Variants in TMOD1 observed in about 807,000 individuals in gnomAD.
TMOD1 encodes the protein tropomodulin-1.
Under a neutral mutation model 40.6 loss-of-function variants are expected in TMOD1, and 17 were observed. The observed-to-expected ratio is 0.42, with a 90% confidence interval of 0.29 to 0.63. The LOEUF (loss-of-function observed/expected upper bound fraction) is 0.63, where lower values mean the gene tolerates loss of function less well. Among genes scored for constraint, TMOD1 ranks in the 20% least tolerant of loss-of-function variants. The probability of loss-of-function intolerance (pLI) is 0.22; values close to 1 mark genes in which losing one functional copy is unlikely to be tolerated. For synonymous variants in TMOD1, 181 were observed against 175.0 expected (o/e 1.03, Z -0.27); for missense variants, 391 against 447.6 (o/e 0.87, Z 1.14).
chr9:97,585,672 G>A (rs11521522), intron 8 of TMOD1, among the ~76,000 whole-genome samples: 20,864 of 82,760 alleles, frequency 0.25, 3,605 homozygotes, highest in Middle Eastern at 0.41. Context: ...CTTTTCACAT[G>A]GTCCCATATT....
intron 1 of TMOD1, chr9:97,516,727 A>G (rs7862883): frequency 0.16 from 24,001 of 152,178 alleles, 2,130 homozygotes; most frequent in East Asian, 0.29. Context: ...GATTCCAGTC[A>G]CAAAGAGACA....
chr9:97,538,735 G>T (rs1222453483), intron 2 of TMOD1, among the ~76,000 whole-genome samples: 1 of 152,032 alleles, frequency 6.6e-6, no homozygotes, highest in African/African-American at 2.4e-5. Context: ...GGTGGCTCAT[G>T]CCTGTAATCC....
chr9:97,538,276 C>T (rs908188676), intron 2 of TMOD1, among the ~76,000 whole-genome samples: 6 of 152,166 alleles, frequency 3.9e-5, no homozygotes, highest in African/African-American at 1.2e-4. Flanking sequence ...TAGTCACTGA[C>T]CTCCTCAGAT....
intron 2 of TMOD1, among the ~76,000 whole-genome samples, chr9:97,542,063 T>A (rs1261892416): frequency 6.6e-6 from 1 of 152,244 alleles, no homozygotes; most frequent in African/African-American, 2.4e-5. Flanking sequence ...TAATCCAGAA[T>A]CAGAAGGATT....
At chr9:97,589,415 G>A (rs1184844368) in intron 8 of TMOD1, among the ~76,000 whole-genome samples, 1 of 150,070 alleles carries the variant, frequency 6.7e-6, no homozygotes, top group Non-Finnish European at 1.5e-5. Context: ...GGGACTACAG[G>A]TGTGCGCCAC....
At position 97,553,376 on chromosome 9, in the gene TMOD1, G is replaced by A. The variant is rs781411834; in HGVS notation, c.373G>A (p.Asp125Asn). The A allele has an allele frequency of 1.9e-6, 3 of 1,614,240 alleles. No homozygotes were observed. Among genetic ancestry groups the A allele is most frequent in the Admixed American group, 1.7e-5 (1 of 60,030 alleles). Residue 125 changes from aspartate (D) to asparagine (N), a missense_variant, in exon 4 of 10, where the codon GAT (aspartate) becomes AAT (asparagine). Transcript: ENST00000259365. ...GGAGGAAGCCTTGGCAAATGCTTCAGATGCAGAACTCTGTGACATTGCAGG... is the reference window on the plus strand; with the variant it reads ...GGAGGAAGCCTTGGCAAATGCTTCAAATGCAGAACTCTGTGACATTGCAGG... ...ELEEALANAS[D>N]AELCDIAAIL...
At position 97,600,553 on chromosome 9, in the gene TMOD1, T is replaced by C; in HGVS notation, c.*855T>C. On this transcript the variant is annotated 3_prime_UTR_variant, in exon 10 of 10. Coordinates refer to ENST00000259365, the MANE Select transcript of TMOD1 (RefSeq NM_003275.4). ...TATTGCACAGTGGGCAAATGGCTTA[T>C]GTGAGGTAAGACACTAGAGGGATAA... 1 of 985,932 alleles carries C rather than the reference T, an allele frequency of 1.0e-6. No homozygotes were observed. Among genetic ancestry groups the C allele is most frequent in the Non-Finnish European group, 1.2e-6 (1 of 830,308 alleles). The allele number at this position is 985,932 out of a possible 1,614,324, so 61.1% of individuals were successfully genotyped here. A position where few individuals can be genotyped will look rare whatever the true frequency, so the allele number is the denominator to read the frequency against.
At position 97,557,967 on chromosome 9, in the gene TMOD1, C is replaced by T. The variant is rs1830560432; in HGVS notation, c.397+4567C>T. ...AGGCAATGTTGATGTGCCGTTTTCT[C>T]CCGTCACTCACTTCTGTTGACGTGG... On this transcript the variant is annotated intron_variant, in intron 4 of 9. Transcript: ENST00000259365. This position sits in a 1 kb window ranked among gnomAD's most constrained non-coding sequence, Gnocchi z 4.4. Among the ~76,000 whole-genome samples, 1 of 151,998 alleles carries T rather than the reference C, an allele frequency of 6.6e-6. No individual in the cohort carries two copies. The highest frequency in any genetic ancestry group is 2.4e-5 in the African/African-American group (1 of 41,400).
intron 2 of TMOD1, among the ~76,000 whole-genome samples, chr9:97,531,051 C>A (rs1438423787): frequency 7.2e-6 from 1 of 138,730 alleles, no homozygotes; most frequent in African/African-American, 2.6e-5. Flanking sequence ...CCCCCACCAC[C>A]CCTTGGCCTC....
intron 7 of TMOD1, among the ~76,000 whole-genome samples, chr9:97,567,925 A>G (rs1830757067): frequency 6.6e-6 from 1 of 152,172 alleles, no homozygotes; most frequent in South Asian, 2.1e-4. Context: ...ATGTCCTATC[A>G]GCTGCTGGTG....
At chr9:97,590,040 A>G (rs1017646408) in intron 8 of TMOD1, among the ~76,000 whole-genome samples, 2 of 151,864 alleles carry the variant, frequency 1.3e-5, no homozygotes, top group African/African-American at 2.4e-5. Flanking sequence ...CAAATCGTCT[A>G]TTTTGTGACC....
At chr9:97,531,938 G>A (rs1830108753) in intron 2 of TMOD1, among the ~76,000 whole-genome samples, 2 of 152,116 alleles carry the variant, frequency 1.3e-5, no homozygotes, top group South Asian at 2.1e-4. Context: ...GCAAGTCAGC[G>A]GCCGAGCCAA....
intron 4 of TMOD1, among the ~76,000 whole-genome samples, chr9:97,556,348 T>C (rs373854896): frequency 5.1e-4 from 78 of 152,274 alleles, no homozygotes; most frequent in African/African-American, 1.7e-3. Flanking sequence ...CCGCATGAGA[T>C]GAAGGCTGGA....
At chr9:97,537,201 G>A (rs745989947) in intron 2 of TMOD1, among the ~76,000 whole-genome samples, 12 of 152,160 alleles carry the variant, frequency 7.9e-5, no homozygotes, top group Admixed American at 5.2e-4. Context: ...TTATATTTCC[G>A]AGCTGCCAGG....
intron 9 of TMOD1, among the ~76,000 whole-genome samples, chr9:97,597,402 A>C (rs933455370): frequency 6.6e-6 from 1 of 152,172 alleles, no homozygotes; most frequent in African/African-American, 2.4e-5. Context: ...GTCCCTGAAA[A>C]AGCCAGTGCC....
intron 1 of TMOD1, among the ~76,000 whole-genome samples, chr9:97,510,286 A>G (rs1299330153): frequency 6.6e-6 from 1 of 152,006 alleles, no homozygotes; most frequent in Non-Finnish European, 1.5e-5. Context: ...GCAAGAGTAC[A>G]GTGACACAGT....
At chr9:97,504,377 T>A (rs1160199832) in intron 1 of TMOD1, among the ~76,000 whole-genome samples, 1 of 151,770 alleles carries the variant, frequency 6.6e-6, no homozygotes, top group Non-Finnish European at 1.5e-5. Context: ...TTCTAAAAGC[T>A]TGGATGAGAA....
intron 7 of TMOD1, 85 bp downstream of exon 7, chr9:97,566,040 T>G (rs2131267839): frequency 8.4e-7 from 1 of 1,191,640 alleles, no homozygotes; most frequent in East Asian, 2.4e-5. Context: ...ACTGGTTGTA[T>G]CCCACTAACA....
intron 4 of TMOD1, among the ~76,000 whole-genome samples, chr9:97,558,482 T>C (rs550511890): frequency 4.6e-5 from 7 of 152,240 alleles, no homozygotes; most frequent in African/African-American, 1.4e-4. Context: ...CTCACTCTGT[T>C]GCCCAGGCTG....
Sources: gnomAD v4.1 joint callset for allele counts (sites outside exome capture counted in the v4.1 genomes callset) on GRCh38, gnomAD v4.1.1 for gene constraint, Gnocchi (gnomAD v3.1) non-coding constraint, MANE v1.5 for transcripts, NCBI Gene and HGNC (gene_info 2026-07-23, HGNC 2026-07-21) for gene names.